Variants in SORCS1 observed in about 807,000 individuals in gnomAD.
The protein encoded by SORCS1 is VPS10 domain-containing receptor SorCS1.
In SORCS1, 60 loss-of-function variants were observed where a neutral mutation model predicts 146.1. The ratio of observed to expected loss-of-function variants is 0.41; its 90% CI spans 0.33 to 0.51. The LOEUF is 0.51. Ranked by LOEUF, SORCS1 falls within the 20% of genes least tolerant of loss-of-function variation. SORCS1 has a pLI of 0.21. For missense variants in SORCS1, 1,352 were observed against 1,487.6 expected (o/e 0.91, Z 1.50); for synonymous variants, 637 against 584.0 (o/e 1.09, Z -1.31).
chr10:106,724,339 T>A (rs1855999177), intron 6 of SORCS1, among the ~76,000 whole-genome samples: 1 of 151,910 alleles, frequency 6.6e-6, no homozygotes, highest in Non-Finnish European at 1.5e-5. Flanking sequence ...AAACCCCATC[T>A]CTACTAAAAA....
At chr10:107,023,051 T>C (rs1283004443) in intron 1 of SORCS1, among the ~76,000 whole-genome samples, 1 of 152,220 alleles carries the variant, frequency 6.6e-6, no homozygotes, top group Non-Finnish European at 1.5e-5. Flanking sequence ...AAGTTCACGG[T>C]GCAGTATGTG....
chr10:106,897,778 CCA>C (rs1387334718), intron 2 of SORCS1, among the ~76,000 whole-genome samples: 1 of 152,184 alleles, frequency 6.6e-6, no homozygotes, highest in African/African-American at 2.4e-5. Flanking sequence ...CTATGCAGAG[CCA>C]CAGAGTGAGA....
intron 11 of SORCS1, 122 bp from the exon 12 acceptor site, chr10:106,679,454 TTCTGCAGACTTGCTTCAGG>T (rs1852277838): frequency 1.0e-6 from 1 of 953,568 alleles, no homozygotes; most frequent in East Asian, 2.5e-5. Context: ...TGCAGGGGTT[TTCTGCAGACTTGCTTCAGG>T]TCCAATGGTT....
intron 3 of SORCS1, among the ~76,000 whole-genome samples, chr10:106,794,944 G>A (rs1398056790): frequency 1.3e-5 from 2 of 152,064 alleles, no homozygotes; most frequent in African/African-American, 2.4e-5. Context: ...CTTAACCAGG[G>A]GTCCCCCAAT....
chr10:107,121,769 C>A (rs940782154), intron 1 of SORCS1, among the ~76,000 whole-genome samples: 17 of 152,158 alleles, frequency 1.1e-4, no homozygotes, highest in Non-Finnish European at 2.5e-4. Flanking sequence ...GTGTATGCAT[C>A]TCTTTGCATA....
intron 3 of SORCS1, among the ~76,000 whole-genome samples, chr10:106,796,128 T>C (rs1446627887): frequency 6.6e-6 from 1 of 152,216 alleles, no homozygotes; most frequent in African/African-American, 2.4e-5. Context: ...GATCTTAGCA[T>C]TTTAGTCTTA....
At chr10:106,660,602 A>C (rs1330059670) in intron 17 of SORCS1, among the ~76,000 whole-genome samples, 1 of 152,212 alleles carries the variant, frequency 6.6e-6, no homozygotes, top group Non-Finnish European at 1.5e-5. Context: ...TATATTTGTA[A>C]ATAGATACCT....
chr10:106,986,686 T>C (rs1051439012), intron 1 of SORCS1, among the ~76,000 whole-genome samples: 2 of 149,668 alleles, frequency 1.3e-5, no homozygotes, highest in Non-Finnish European at 3.0e-5. Flanking sequence ...ATTCTTTCTT[T>C]TTCCTCAGAT....
chr10:106,819,542 C>A (rs1257066637), intron 3 of SORCS1, among the ~76,000 whole-genome samples: 1 of 152,134 alleles, frequency 6.6e-6, no homozygotes, highest in Non-Finnish European at 1.5e-5. Flanking sequence ...TACAAGAGAT[C>A]ATTGCACAGT....
chr10:107,031,017 T>C (rs11193174), intron 1 of SORCS1, among the ~76,000 whole-genome samples: 18,033 of 152,234 alleles, frequency 0.12, 3,347 homozygotes, highest in African/African-American at 0.4. Context: ...AAAACTACTG[T>C]TCACAGTTCT....
chr10:106,990,494 T>C (rs1302536101), intron 1 of SORCS1, among the ~76,000 whole-genome samples: 3 of 152,114 alleles, frequency 2.0e-5, no homozygotes, highest in Admixed American at 1.3e-4. Flanking sequence ...GGTCTCGAAC[T>C]CCTGACCTCA....
At chr10:106,820,684 G>A (rs1004452383) in intron 3 of SORCS1, among the ~76,000 whole-genome samples, 2 of 152,094 alleles carry the variant, frequency 1.3e-5, no homozygotes, top group African/African-American at 4.8e-5. Flanking sequence ...AGTAAATATC[G>A]CAAATTTCCT....
intron 14 of SORCS1, among the ~76,000 whole-genome samples, chr10:106,673,936 C>T (rs1023491697): frequency 4.6e-5 from 7 of 152,062 alleles, no homozygotes; most frequent in Non-Finnish European, 1.0e-4. Context: ...TTATGGAATG[C>T]ATTGCTAATT....
intron 2 of SORCS1, among the ~76,000 whole-genome samples, chr10:106,910,879 C>T (rs1468231064): frequency 6.6e-6 from 1 of 152,084 alleles, no homozygotes; most frequent in Non-Finnish European, 1.5e-5. Context: ...TCTAATGAGC[C>T]GTTAATCATT....
intron 1 of SORCS1, among the ~76,000 whole-genome samples, chr10:107,145,122 G>A (rs150452167): frequency 8.5e-4 from 129 of 152,310 alleles, no homozygotes; most frequent in East Asian, 3.1e-3. Flanking sequence ...AGCAAACAAC[G>A]TGATAAACAC....
At chr10:107,144,755 G>T (rs1211132075) in intron 1 of SORCS1, among the ~76,000 whole-genome samples, 1 of 152,170 alleles carries the variant, frequency 6.6e-6, no homozygotes, top group African/African-American at 2.4e-5. Context: ...TCCCCCTTCG[G>T]CACAGCTTTG....
chr10:106,709,541 C>T (rs1054579475), intron 6 of SORCS1, among the ~76,000 whole-genome samples, 200 bp from the exon 7 acceptor site: 5 of 150,916 alleles, frequency 3.3e-5, no homozygotes, highest in Admixed American at 1.3e-4. Context: ...CTCCGCCTCC[C>T]GGGTTCACGC....
At chr10:107,134,841 T>G (rs535608454) in intron 1 of SORCS1, among the ~76,000 whole-genome samples, 1 of 152,294 alleles carries the variant, frequency 6.6e-6, no homozygotes, top group Admixed American at 6.5e-5. Flanking sequence ...CTCTCGTTGC[T>G]CAGATGATGT....
Position 106,706,731 on chromosome 10 carries a change from C to A in SORCS1, c.1144-97G>T. The A allele has an allele frequency of 2.8e-6, 3 of 1,063,812 alleles. 1 individual carries two copies. Among genetic ancestry groups the A allele is most frequent in the Middle Eastern group, 2.0e-4 (1 of 4,882 alleles). 65.9% of individuals were successfully genotyped at this position (1,063,812 alleles called of 1,614,324 possible). A position where few individuals can be genotyped will look rare whatever the true frequency, so the allele number is the denominator to read the frequency against. ...GAATGGAAGGAGGAAGCTTCCAACA[C>A]AACAAATGGCATTAATGTCTATTGC... On this transcript the variant is annotated intron_variant, in intron 7 of 25. Coordinates refer to ENST00000263054, the MANE Select transcript of SORCS1 (RefSeq NM_052918.5).
Sources: allele counts gnomAD v4.1 joint callset (sites outside exome capture counted in the v4.1 genomes callset), GRCh38; gene constraint gnomAD v4.1.1; transcripts MANE v1.5; gene names NCBI Gene and HGNC (gene_info 2026-07-23, HGNC 2026-07-21).